The following PCDHA7 variants were observed in gnomAD, a reference collection of about 807,000 sequenced individuals.
The protein encoded by PCDHA7 is protocadherin alpha-7.
PCDHA7 carries 37 observed loss-of-function variants against 57.2 expected under a neutral mutation model. The observed-to-expected ratio is 0.65, with a 90% CI of 0.50 to 0.85. PCDHA7 has a LOEUF of 0.85. PCDHA7 is among the 40% of genes least tolerant of loss of function. PCDHA7 has a pLI of 0.00. For synonymous variants in PCDHA7, 553 were observed against 558.8 expected, an observed-to-expected ratio of 0.99 and a Z score of 0.15; for missense variants, 1,188 against 1,241.8, an observed-to-expected ratio of 0.96 and a Z score of 0.65.
chr5:140,933,902 A>C (rs1285587221), intron 1 of PCDHA7, among the ~76,000 whole-genome samples: 2 of 151,892 alleles, frequency 1.3e-5, no homozygotes, highest in African/African-American at 2.4e-5. Flanking sequence ...ATATTTTGGC[A>C]TAAAGTTGTT....
intron 1 of PCDHA7, among the ~76,000 whole-genome samples, chr5:140,954,347 G>A (rs145658065): frequency 0.023 from 3,565 of 152,288 alleles, 49 homozygotes; most frequent in Middle Eastern, 0.034. Flanking sequence ...CTAGATCTTT[G>A]AGGAATCGCC....
chr5:140,903,415 A>T (rs1303652958), intron 1 of PCDHA7, among the ~76,000 whole-genome samples: 1 of 152,238 alleles, frequency 6.6e-6, no homozygotes, highest in East Asian at 1.9e-4. Flanking sequence ...GTCAGGAAAA[A>T]TTCAGCACAA....
chr5:140,868,771 A>G lies in PCDHA7; in HGVS notation c.2355+32033A>G, dbSNP rs986240016. 2.7e-4 allele frequency: 70 copies of G among 257,218 alleles called. No individual in the cohort carries two copies. In the Middle Eastern group the frequency reaches 5.2e-3, roughly 19 times the overall value. The allele number at this position is 257,218 out of a possible 1,614,324, so 15.9% of individuals were successfully genotyped here. ...ATTTCCATATATATTTAGTTTCAAT[A>G]TGACTTATAATCTGAATATTCCATA... is the stretch of plus-strand genomic sequence containing the variant. On this transcript the variant is annotated intron_variant, in intron 1 of 3. Coordinates refer to ENST00000525929, the MANE Select transcript of PCDHA7 (RefSeq NM_018910.3).
chr5:140,863,936 G>A (rs1554158535), intron 1 of PCDHA7: 2 of 160,752 alleles, frequency 1.2e-5, no homozygotes, highest in African/African-American at 4.8e-5. Context: ...AGGAGGCAGA[G>A]GTTGCGGTGA....
rs782451974 is a variant in PCDHA7, at chr5:141,009,822, T to A, written c.2699T>A (p.Phe900Tyr). 6.2e-7 allele frequency: 1 copy of A among 1,613,720 alleles called. No individual in the cohort carries two copies. The highest frequency in any genetic ancestry group is 2.2e-5 in the East Asian group (1 of 44,866). Residue 900 changes from phenylalanine (F) to tyrosine (Y), a missense_variant, in exon 4 of 4, where the codon TTC (phenylalanine) becomes TAC (tyrosine). Physicochemically the swap from Phe to Tyr is conservative, Grantham distance 22. Around this residue, in one of 3 missense-constraint regions of PCDHA7, gnomAD observed 892 missense variants for 788.5 expected, o/e 1.13. Transcript: ENST00000525929. ...AACAGCCAAATTGACAAAAGTGACTTCATAACCTTCGGCAAAAAGGAGGAG... is the reference window on the plus strand; with the variant it reads ...AACAGCCAAATTGACAAAAGTGACTACATAACCTTCGGCAAAAAGGAGGAG... ...PTNSQIDKSDFITFGKKEETK... is the reference protein window; with the variant it reads ...PTNSQIDKSDYITFGKKEETK...
At chr5:140,932,287 T>C (rs1259585245) in intron 1 of PCDHA7, among the ~76,000 whole-genome samples, 2 of 151,896 alleles carry the variant, frequency 1.3e-5, no homozygotes, top group Admixed American at 6.6e-5. Context: ...AAAAACTGCA[T>C]TGACAATTTT....
intron 1 of PCDHA7, chr5:140,966,896 C>G (rs910624863): frequency 6.3e-6 from 10 of 1,596,816 alleles, no homozygotes; most frequent in Non-Finnish European, 8.5e-6. Flanking sequence ...GGCCTCCCAG[C>G]TGCGATACTC....
At chr5:140,891,708 C>T (rs1422243783) in intron 1 of PCDHA7, among the ~76,000 whole-genome samples, 1 of 152,066 alleles carries the variant, frequency 6.6e-6, no homozygotes, top group Admixed American at 6.6e-5. Context: ...TGAATTTGTA[C>T]CCCCAAATTC....
chr5:140,897,281 C>T lies in PCDHA7; in HGVS notation c.2355+60543C>T, dbSNP rs1583262674. On this transcript the variant is annotated intron_variant, in intron 1 of 3. Coordinates refer to ENST00000525929, the MANE Select transcript of PCDHA7 (RefSeq NM_018910.3). ...ATGTGCCATGCTGGTGTGCTGCACC[C>T]ATTAACTCGTCATTTAGCATTAGGT... Among the ~76,000 whole-genome samples, 6 of 151,664 alleles carry T rather than the reference C, an allele frequency of 4.0e-5. No homozygotes were observed. In the South Asian group the frequency reaches 1.2e-3, roughly 32 times the overall value.
chr5:140,994,412 G>C (rs1412198813), intron 3 of PCDHA7, among the ~76,000 whole-genome samples: 1 of 152,068 alleles, frequency 6.6e-6, no homozygotes, highest in Non-Finnish European at 1.5e-5. Flanking sequence ...ATTTAATACT[G>C]GATATTGAGG....
chr5:140,876,791 G>C lies in PCDHA7; in HGVS notation c.2355+40053G>C, dbSNP rs782617794. 4.3e-6 allele frequency: 7 copies of C among 1,614,242 alleles called. No homozygotes were observed. The Admixed American group carries it at 1.2e-4, about 27-fold the overall frequency. On this transcript the variant is annotated intron_variant, in intron 1 of 3. Coordinates refer to ENST00000525929, the MANE Select transcript of PCDHA7 (RefSeq NM_018910.3). ...TCGCCTTCGCTGTGGGCCACGGCTA[G>C]AGTGTCCGTGGAGGTGGCCGACGTG...
rs376929883 is a variant in PCDHA7 at position 140,967,867 on chromosome 5, C to T, written c.2356-11082C>T. Reference sequence around the variant, plus strand: ...ATGACAATGCCCCAGAGGTGGTGCTCACGGACCTGTATAGCCCAGTGCCTG... The same window carrying T: ...ATGACAATGCCCCAGAGGTGGTGCTTACGGACCTGTATAGCCCAGTGCCTG... On this transcript the variant is annotated intron_variant, in intron 1 of 3. Coordinates refer to ENST00000525929, the MANE Select transcript of PCDHA7 (RefSeq NM_018910.3). 48 of 1,614,012 alleles carry T rather than the reference C, an allele frequency of 3.0e-5. No individual in the cohort carries two copies. The African/African-American group carries it at 6.0e-4, about 20-fold the overall frequency.
At chr5:140,841,435 G>A (rs2150315414) in intron 1 of PCDHA7, 1 of 1,612,844 alleles carries the variant, frequency 6.2e-7, no homozygotes, top group South Asian at 1.1e-5. Context: ...TCCCCGAGGA[G>A]GCCAAACACG....
rs1554145030 is a variant in PCDHA7 at position 140,850,906 on chromosome 5, T to C, written c.2355+14168T>C. On this transcript the variant is annotated intron_variant, in intron 1 of 3. Transcript: ENST00000525929. Reference sequence around the variant, plus strand: ...ACTGGGAAGGTGGGTTTTTCTAGCATTTTATTTATTTATATAATTTTTTTT... The same window carrying C: ...ACTGGGAAGGTGGGTTTTTCTAGCACTTTATTTATTTATATAATTTTTTTT... The C allele has an allele frequency of 1.3e-6, 2 of 1,550,722 alleles. 1 individual carries two copies. The highest frequency in any genetic ancestry group is 1.7e-6 in the Non-Finnish European group (2 of 1,145,138).
In PCDHA7 at chr5:140,937,571, C is replaced by T. The variant is rs188926211; in HGVS notation, c.2356-41378C>T. 1.3e-4 allele frequency among the ~76,000 whole-genome samples: 20 copies of T among 151,578 alleles called. No homozygotes were observed. The East Asian group carries it at 2.7e-3, about 21-fold the overall frequency. On this transcript the variant is annotated intron_variant, in intron 1 of 3. Coordinates refer to ENST00000525929, the MANE Select transcript of PCDHA7 (RefSeq NM_018910.3). Reference sequence around the variant, plus strand: ...GGCAGAGGTTGCAGTGAGCTGGGATCGCGTCACTGCACTCTAGCCTGGGCA... The same window carrying T: ...GGCAGAGGTTGCAGTGAGCTGGGATTGCGTCACTGCACTCTAGCCTGGGCA...
At chr5:141,005,440 A>C (rs1174431656) in intron 3 of PCDHA7, among the ~76,000 whole-genome samples, 3 of 152,112 alleles carry the variant, frequency 2.0e-5, no homozygotes, top group African/African-American at 7.2e-5. Flanking sequence ...TGAGAGGCTC[A>C]CGCCTGTAAT....
At chr5:140,924,987 TC>T (rs1458982480) in intron 1 of PCDHA7, among the ~76,000 whole-genome samples, 4 of 151,232 alleles carry the variant, frequency 2.6e-5, no homozygotes, top group Admixed American at 6.6e-5. Context: ...ATGTCTGTAA[TC>T]CTAGCACTTT....
intron 1 of PCDHA7, among the ~76,000 whole-genome samples, chr5:140,941,192 TTTCTTTCTTCC>T (rs1330855559): frequency 1.0e-5 from 1 of 99,660 alleles, no homozygotes; most frequent in Non-Finnish European, 2.1e-5. Flanking sequence ...CTTCTTTTTT[TTTCTTTCTTCC>T]TTTCTTTCTT....
At chr5:140,850,499 G>C (rs2150486529) in intron 1 of PCDHA7, 2 of 1,598,056 alleles carry the variant, frequency 1.3e-6, no homozygotes, top group East Asian at 2.2e-5. Flanking sequence ...TGCTGGTGTC[G>C]CTGGTGGAGA....
Sources: gnomAD v4.1 joint callset for allele counts (sites outside exome capture counted in the v4.1 genomes callset) on GRCh38, gnomAD v4.1.1 for gene constraint, gnomAD v4.1.1 regional missense constraint, MANE v1.5 for transcripts, NCBI Gene and HGNC (gene_info 2026-07-23, HGNC 2026-07-21) for gene names.